The following SLC4A9 variants were observed in gnomAD, a reference collection of about 807,000 sequenced individuals.
SLC4A9 encodes the protein anion exchange protein 4.
In SLC4A9, 102 loss-of-function variants were observed where a neutral mutation model predicts 103.2. The ratio of observed to expected loss-of-function variants is 0.99; its 90% CI spans 0.84 to 1.17. The LOEUF (loss-of-function observed/expected upper bound fraction) is 1.17. Ranked by LOEUF, SLC4A9 falls within the 50% of genes most tolerant of loss-of-function variation. The pLI, the probability that SLC4A9 is intolerant of heterozygous loss-of-function variation, is 0.00. For synonymous variants in SLC4A9, 453 were observed against 483.6 expected (o/e 0.94, Z 0.83); for missense variants, 1,091 against 1,193.7 (o/e 0.91, Z 1.27).
At chr5:140,361,909 G>A (rs762218857) in intron 4 of SLC4A9, 46 bp downstream of exon 4, 2 of 1,613,258 alleles carry the variant, frequency 1.2e-6, no homozygotes, top group African/African-American at 2.7e-5. Context: ...CTGGGAGAGG[G>A]GTTAGAAATT....
In SLC4A9 at chr5:140,361,917, A is replaced by G. The variant is rs1767142312; in HGVS notation, c.561+54A>G. The G allele has an allele frequency of 1.9e-5, 30 of 1,613,442 alleles. 1 individual carries two copies. In the South Asian group the frequency reaches 2.6e-4, roughly 14 times the overall value. ...CCAGTGGCTGGGAGAGGGGTTAGAA[A>G]TTAACAAAAGTCTACTCTCCACTGG... On this transcript the variant is annotated intron_variant, in intron 4 of 21. Transcript: ENST00000506757.
intron 1 of SLC4A9, 118 bp downstream of exon 1, chr5:140,360,584 T>A: frequency 8.6e-7 from 1 of 1,160,460 alleles, no homozygotes; most frequent in Non-Finnish European, 1.2e-6. Flanking sequence ...CCAGCTGTGT[T>A]CCCTTATTTC....
chr5:140,366,707 T>C (rs1209605320), intron 14 of SLC4A9, among the ~76,000 whole-genome samples: 1 of 152,216 alleles, frequency 6.6e-6, no homozygotes, highest in Non-Finnish European at 1.5e-5. Context: ...GCCTGGCACA[T>C]ACCAAGTCCT....
At chr5:140,360,615 G>T in intron 1 of SLC4A9, 149 bp downstream of exon 1, 1 of 1,123,736 alleles carries the variant, frequency 8.9e-7, no homozygotes, top group Admixed American at 2.3e-5. Flanking sequence ...CTTCCATGAT[G>T]CCCAGCCTCC....
intron 11 of SLC4A9, 28 bp from the exon 12 acceptor site, chr5:140,365,492 T>A: frequency 1.3e-6 from 2 of 1,596,666 alleles, no homozygotes; most frequent in Non-Finnish European, 1.7e-6. Flanking sequence ...GGAGGGAACA[T>A]ACATCTGAAT....
At chr5:140,362,891 A>G (rs376314204) in intron 6 of SLC4A9, 21 bp from the exon 7 acceptor site, 35 of 1,613,806 alleles carry the variant, frequency 2.2e-5, no homozygotes, top group Non-Finnish European at 2.7e-5. Context: ...CTTACCACCC[A>G]TTCTGTGCCC....
intron 17 of SLC4A9, chr5:140,370,838 C>G (rs76206235): frequency 0.011 from 5,361 of 486,900 alleles, 242 homozygotes; most frequent in African/African-American, 0.094. Context: ...GAATGGTAGG[C>G]CAGGTAATGG....
chr5:140,366,589 C>T (rs1581150558), intron 14 of SLC4A9, among the ~76,000 whole-genome samples: 1 of 152,244 alleles, frequency 6.6e-6, no homozygotes, highest in East Asian at 1.9e-4. Flanking sequence ...CATTTCTAAG[C>T]CTCAATTTCT....
chr5:140,362,785 T>C lies in SLC4A9; in HGVS notation c.808-127T>C, dbSNP rs1050604915. On this transcript the variant is annotated intron_variant, in intron 6 of 21. Coordinates refer to ENST00000506757, the MANE Select transcript of SLC4A9 (RefSeq NM_031467.3). ...CCCACTGAATGAATGAATTAATGCA[T>C]GCATAAAGGAATGTGTGAATGACTT... 4.6e-5 allele frequency: 56 copies of C among 1,218,720 alleles called. 1 individual carries two copies. Among genetic ancestry groups the C allele is most frequent in the Middle Eastern group, 1.9e-4 (1 of 5,236 alleles). 75.5% of individuals were successfully genotyped at this position (1,218,720 alleles called of 1,614,324 possible). A position where few individuals can be genotyped will look rare whatever the true frequency, so the allele number is the denominator to read the frequency against.
chr5:140,364,098 C>G lies in SLC4A9; in HGVS notation c.1299C>G (p.Ala433=), dbSNP rs1405994653. 7 of 1,586,714 alleles carry G rather than the reference C, an allele frequency of 4.4e-6. No individual in the cohort carries two copies. Among genetic ancestry groups the G allele is most frequent in the Non-Finnish European group, 6.0e-6 (7 of 1,167,076 alleles). ...SFLGTAVAGA[A]FCLMAGQPLT... is the part of the protein sequence containing the mutation. ...TGGGCACAGCAGTGGCTGGAGCTGC[C>G]TTCTGCCTGATGGCAGGCCAGCCCC... The change falls in exon 10 of 22, where the codon GCC becomes GCG. Residue 433 remains alanine (A), a synonymous_variant. Transcript: ENST00000506757.
At chr5:140,361,942 G>T in intron 4 of SLC4A9, 75 bp from the exon 5 acceptor site, 1 of 1,613,344 alleles carries the variant, frequency 6.2e-7, no homozygotes, top group Non-Finnish European at 8.5e-7. Context: ...CTCTCCACTG[G>T]ATTTCTCATC....
At position 140,360,443 on chromosome 5, in the gene SLC4A9, G is replaced by A. The variant is rs909411737; in HGVS notation, c.207G>A (p.Ala69=). 8.2e-6 allele frequency: 13 copies of A among 1,584,366 alleles called. No homozygotes were observed. Among genetic ancestry groups the A allele is most frequent in the South Asian group, 3.5e-5 (3 of 86,688 alleles). ...QLNELLGWPQ[A]LEWRETGRWV... ...ATGAGCTGCTGGGCTGGCCCCAGGCGCTGGAGTGGAGAGAGACAGGCAGGT... is the reference window on the plus strand; with the variant it reads ...ATGAGCTGCTGGGCTGGCCCCAGGCACTGGAGTGGAGAGAGACAGGCAGGT... The change falls in exon 1 of 22, where the codon GCG becomes GCA. Residue 69 remains alanine, a synonymous_variant. Transcript: ENST00000506757.
intron 17 of SLC4A9, among the ~76,000 whole-genome samples, chr5:140,370,356 T>C (rs1347397094): frequency 6.7e-6 from 1 of 149,794 alleles, no homozygotes; most frequent in Non-Finnish European, 1.5e-5. Context: ...CCCAGCTACT[T>C]GGGAGGCTGA....
At chr5:140,364,285 T>C (rs1581141403) in intron 10 of SLC4A9, 78 bp from the exon 11 acceptor site, 1 of 1,596,040 alleles carries the variant, frequency 6.3e-7, no homozygotes, top group East Asian at 2.2e-5. Flanking sequence ...TCTGTTTGGG[T>C]TGAGGGACAC....
intron 21 of SLC4A9, among the ~76,000 whole-genome samples, chr5:140,373,967 G>A (rs1769110346): frequency 6.6e-6 from 1 of 151,960 alleles, no homozygotes; most frequent in Non-Finnish European, 1.5e-5. Flanking sequence ...GCAGAGGTGG[G>A]TGGATCACTT....
Position 140,360,499 on chromosome 5 carries a change from C to T in SLC4A9, c.230+33C>T, listed in dbSNP as rs1259231722. 3.9e-6 allele frequency: 6 copies of T among 1,528,508 alleles called. No individual in the cohort carries two copies. The East Asian group carries it at 1.5e-4, about 37-fold the overall frequency. The allele number at this position is 1,528,508 out of a possible 1,614,324, so 94.7% of individuals were successfully genotyped here. On this transcript the variant is annotated intron_variant, in intron 1 of 21. Transcript: ENST00000506757. ...GGATGCAGGCCAGTTCTGTGGGATC[C>T]TTCCCCTTCCCCAGCTGGAGCCTCC...
chr5:140,365,871 C>T lies in SLC4A9; in HGVS notation c.1748C>T (p.Pro583Leu), dbSNP rs750019968. The change falls in exon 13 of 22, where the codon CCT becomes CTT. Residue 583 changes from proline to leucine, a missense_variant. By Grantham distance (98) the Pro-to-Leu change is moderately conservative. Coordinates refer to ENST00000506757, the MANE Select transcript of SLC4A9 (RefSeq NM_031467.3). ...ATCAATGCATCCTTGCTGCCGCCAC[C>T]TGAGTGCACCCGGCAGGGAGGCCAC... ...GLINASLLPP[P>L]ECTRQGGHPR... 25 of 1,613,866 alleles carry T rather than the reference C, an allele frequency of 1.5e-5. No individual in the cohort carries two copies. Among genetic ancestry groups the T allele is most frequent in the African/African-American group, 2.7e-5 (2 of 74,940 alleles).
In SLC4A9 at chr5:140,365,943, C is replaced by T; in HGVS notation, c.1820C>T (p.Ser607Phe). The T allele has an allele frequency of 6.2e-7, 1 of 1,614,046 alleles. No homozygotes were observed. Among genetic ancestry groups the T allele is most frequent in the East Asian group, 2.2e-5 (1 of 44,884 alleles). ...CHTVPDIAFF[S>F]LLLFLTSFFF... is the part of the protein sequence containing the mutation. Reference sequence around the variant, plus strand: ...ACAGTCCCAGACATTGCCTTCTTCTCCCTTCTCCTCTTCCTTACTTCTTTC... The same window carrying T: ...ACAGTCCCAGACATTGCCTTCTTCTTCCTTCTCCTCTTCCTTACTTCTTTC... The change falls in exon 13 of 22, where the codon TCC (serine) becomes TTC (phenylalanine). Residue 607 changes from serine (S) to phenylalanine (F), a missense_variant. Transcript: ENST00000506757.
Position 140,365,819 on chromosome 5 carries a change from C to A in SLC4A9, c.1711-15C>A. ...CCATTGCCTATAACTCCACTCCTGA[C>A]CCTCCTGTGTACAGGACTTAGGCCT... On this transcript the variant is annotated splice_polypyrimidine_tract_variant and intron_variant, in intron 12 of 21. Transcript: ENST00000506757. 1.9e-6 allele frequency: 3 copies of A among 1,609,646 alleles called. No individual in the cohort carries two copies. The highest frequency in any genetic ancestry group is 2.5e-6 in the Non-Finnish European group (3 of 1,177,526).
Sources: allele counts gnomAD v4.1 joint callset (sites outside exome capture counted in the v4.1 genomes callset), GRCh38; gene constraint gnomAD v4.1.1; transcripts MANE v1.5; gene names NCBI Gene and HGNC (gene_info 2026-07-23, HGNC 2026-07-21).